The following CBFA2T3 variants were observed in gnomAD, a reference collection of about 807,000 sequenced individuals.
CBFA2T3 encodes transcriptional corepressor CBFA2T3.
Under a neutral mutation model 58.6 loss-of-function variants are expected in CBFA2T3, and 31 were observed. That is an observed-to-expected ratio of 0.53 (90% CI 0.40 to 0.71). The LOEUF is 0.71. Ranked by LOEUF, CBFA2T3 falls within the 30% of genes least tolerant of loss-of-function variation. The probability of loss-of-function intolerance (pLI) is 0.00; values close to 1 mark genes in which losing one functional copy is unlikely to be tolerated. For missense variants in CBFA2T3, 1,076 were observed against 963.1 expected (o/e 1.12, Z -1.55); for synonymous variants, 531 against 421.9 (o/e 1.26, Z -3.17).
intron 11 of CBFA2T3, among the ~76,000 whole-genome samples, chr16:88,878,094 C>T (rs1372927097): frequency 2.6e-5 from 4 of 152,230 alleles, no homozygotes; most frequent in Non-Finnish European, 4.4e-5. Context: ...CCGCTGGGCC[C>T]GCTCCCCCGA....
At chr16:88,972,056 C>A (rs893496147) in intron 1 of CBFA2T3, among the ~76,000 whole-genome samples, 3 of 152,238 alleles carry the variant, frequency 2.0e-5, no homozygotes, top group Non-Finnish European at 4.4e-5. Flanking sequence ...ACCCTAGGCA[C>A]CGCCCCTGTC....
chr16:88,972,303 C>G (rs1187982631), intron 1 of CBFA2T3, among the ~76,000 whole-genome samples: 2 of 152,176 alleles, frequency 1.3e-5, no homozygotes, highest in African/African-American at 4.8e-5. Context: ...GCTCCCTGCT[C>G]TGTGCCAGTG....
chr16:88,966,469 C>T (rs1231491285), intron 1 of CBFA2T3, among the ~76,000 whole-genome samples: 5 of 119,982 alleles, frequency 4.2e-5, no homozygotes, highest in African/African-American at 2.4e-4. Context: ...CACCCTCATC[C>T]CACCTGGGGT....
intron 1 of CBFA2T3, among the ~76,000 whole-genome samples, chr16:88,964,453 A>G (rs189709441): frequency 3.9e-5 from 6 of 152,290 alleles, no homozygotes; most frequent in Admixed American, 2.0e-4. Context: ...CAGAAAACTG[A>G]CAAGTTGCAA....
intron 2 of CBFA2T3, among the ~76,000 whole-genome samples, chr16:88,900,490 C>T (rs1399530995): frequency 2.6e-5 from 4 of 152,226 alleles, no homozygotes; most frequent in South Asian, 4.1e-4. Flanking sequence ...TGAGGACAGT[C>T]GTGACGTAAA....
rs142608228 is a variant in CBFA2T3, at chr16:88,889,649, G to A, written c.711+2233C>T. On this transcript the variant is annotated intron_variant, in intron 5 of 11. Transcript: ENST00000268679. ...AGTGCCTACACTACACCTTGACAGA[G>A]GCCAACAGGTCTGTGAGAGACCTTC... Among the ~76,000 whole-genome samples the A allele has an allele frequency of 4.0e-3, 608 of 152,150 alleles. 6 individuals are homozygous for A. The highest frequency in any genetic ancestry group is 0.014 in the African/African-American group (571 of 41,484).
At chr16:88,941,305 G>A (rs950760633) in intron 1 of CBFA2T3, 2 of 363,676 alleles carry the variant, frequency 5.5e-6, no homozygotes, top group Non-Finnish European at 7.6e-6. Flanking sequence ...GGGTCCAGCC[G>A]CCGCGCCTGT....
At position 88,953,101 on chromosome 16, in the gene CBFA2T3, G is replaced by A. The variant is rs185641229; in HGVS notation, c.151+23556C>T. Among the ~76,000 whole-genome samples, 3 of 152,212 alleles carry A rather than the reference G, an allele frequency of 2.0e-5. No homozygotes were observed. The highest frequency in any genetic ancestry group is 4.4e-5 in the Non-Finnish European group (3 of 68,042). Reference sequence around the variant, plus strand: ...AACACAACCTGGTCTCCGTCTGCCGGTTAGATCGGCCCCCAGTCCTGCTGG... The same window carrying A: ...AACACAACCTGGTCTCCGTCTGCCGATTAGATCGGCCCCCAGTCCTGCTGG... On this transcript the variant is annotated intron_variant, in intron 1 of 11. Transcript: ENST00000268679. This position sits in a 1 kb window ranked among gnomAD's most constrained non-coding sequence, Gnocchi z 4.9.
chr16:88,911,037 G>A (rs930194205), intron 1 of CBFA2T3, among the ~76,000 whole-genome samples: 1 of 152,184 alleles, frequency 6.6e-6, no homozygotes, highest in Non-Finnish European at 1.5e-5. Context: ...ATATAAACAC[G>A]GGGAGCAGTG....
intron 2 of CBFA2T3, among the ~76,000 whole-genome samples, chr16:88,900,409 G>A (rs922307526): frequency 4.6e-5 from 7 of 152,362 alleles, no homozygotes; most frequent in East Asian, 1.9e-4. Flanking sequence ...AGCCCTCGGC[G>A]GAGCAGGCCC....
intron 8 of CBFA2T3, among the ~76,000 whole-genome samples, 156 bp downstream of exon 8, chr16:88,882,520 G>A (rs1180684623): frequency 1.3e-5 from 2 of 149,842 alleles, no homozygotes; most frequent in African/African-American, 4.9e-5. Context: ...TGTGGGCGTG[G>A]CTTGTGTGGG....
chr16:88,917,905 C>T (rs1217981377), intron 1 of CBFA2T3, among the ~76,000 whole-genome samples: 3 of 151,934 alleles, frequency 2.0e-5, no homozygotes, highest in Non-Finnish European at 2.9e-5. Context: ...GTCACAATCC[C>T]CTCTGTCCCT....
chr16:88,934,744 T>A (rs1971439690), intron 1 of CBFA2T3, among the ~76,000 whole-genome samples: 1 of 152,216 alleles, frequency 6.6e-6, no homozygotes, highest in African/African-American at 2.4e-5. Context: ...GAAGGACGCA[T>A]TCTTTTTTTC....
intron 5 of CBFA2T3, among the ~76,000 whole-genome samples, chr16:88,889,884 C>T (rs1208034691): frequency 3.5e-5 from 5 of 143,620 alleles, no homozygotes; most frequent in African/African-American, 1.3e-4. Flanking sequence ...GACGACGCCC[C>T]GCGATTCCTC....
intron 1 of CBFA2T3, among the ~76,000 whole-genome samples, chr16:88,967,477 C>T (rs983618578): frequency 6.6e-6 from 1 of 151,970 alleles, no homozygotes; most frequent in Non-Finnish European, 1.5e-5. Context: ...ACTGCTATTG[C>T]CCCATTTACC....
At chr16:88,927,173 G>A (rs938204956) in intron 1 of CBFA2T3, among the ~76,000 whole-genome samples, 1 of 152,234 alleles carries the variant, frequency 6.6e-6, no homozygotes, top group Non-Finnish European at 1.5e-5. Context: ...ACTATTTGTC[G>A]AGGGAATGAA....
At chr16:88,975,165 C>T (rs4782489) in intron 1 of CBFA2T3, among the ~76,000 whole-genome samples, 4,859 of 87,034 alleles carry the variant, frequency 0.056, 155 homozygotes, top group East Asian at 0.097. Flanking sequence ...TCCACCCTGA[C>T]CCTCTCTGCT....
chr16:88,885,853 C>G lies in CBFA2T3; in HGVS notation c.893+108G>C, dbSNP rs1007131374. 1.0e-6 allele frequency: 1 copy of G among 998,704 alleles called. No homozygotes were observed. Among genetic ancestry groups the G allele is most frequent in the South Asian group, 1.6e-5 (1 of 63,454 alleles). 61.9% of individuals were successfully genotyped at this position (998,704 alleles called of 1,614,324 possible). ...GCTCCCTCAGCCCGAGAGAGCCGGC[C>G]GGGCTGGCTGCAGCCCCAGAGGAGG... On this transcript the variant is annotated intron_variant, in intron 6 of 11. Transcript: ENST00000268679. The surrounding 1 kb of genome is among the most constrained non-coding windows in gnomAD (Gnocchi z 5.3).
Position 88,956,462 on chromosome 16 carries a change from G to A in CBFA2T3, c.151+20195C>T, listed in dbSNP as rs888140014. On this transcript the variant is annotated intron_variant, in intron 1 of 11. Coordinates refer to ENST00000268679, the MANE Select transcript of CBFA2T3 (RefSeq NM_005187.6). ...CCAGGCTCAGAGCCCAGCAGCTCCC[G>A]GAGGGTGGAGGGTAGAGGAACGCGG... Among the ~76,000 whole-genome samples, 11 of 152,370 alleles carry A rather than the reference G, an allele frequency of 7.2e-5. No individual in the cohort carries two copies. The East Asian group carries it at 2.1e-3, about 29-fold the overall frequency.
Sources: allele counts gnomAD v4.1 joint callset (sites outside exome capture counted in the v4.1 genomes callset), GRCh38; gene constraint gnomAD v4.1.1; non-coding constraint Gnocchi (gnomAD v3.1); transcripts MANE v1.5; gene names NCBI Gene and HGNC (gene_info 2026-07-23, HGNC 2026-07-21).